The following PDE7B variants were observed in gnomAD, a reference collection of about 807,000 sequenced individuals.
PDE7B encodes phosphodiesterase 7B.
In PDE7B, 29 loss-of-function variants were observed where a neutral mutation model predicts 56.2. The observed-to-expected ratio is 0.52, with a 90% CI of 0.38 to 0.70. The LOEUF (loss-of-function observed/expected upper bound fraction) is 0.70, where lower values mean the gene tolerates loss of function less well. Among genes scored for constraint, PDE7B ranks in the 30% least tolerant of loss-of-function variants. The pLI is 0.00. For synonymous variants in PDE7B, 197 were observed against 196.9 expected, an observed-to-expected ratio of 1.00 and a Z score of 0.00; for missense variants, 490 against 565.0, an observed-to-expected ratio of 0.87 and a Z score of 1.35.
chr6:136,038,185 TAGCAGC>T (rs150803314), intron 2 of PDE7B: 90 of 1,285,612 alleles, frequency 7.0e-5, no homozygotes, highest in Non-Finnish European at 7.8e-5. Flanking sequence ...TCCCCTGTGG[TAGCAGC>T]AGCAGCAGCA....
At chr6:135,947,977 T>A (rs1774621616) in intron 2 of PDE7B, among the ~76,000 whole-genome samples, 1 of 152,082 alleles carries the variant, frequency 6.6e-6, no homozygotes, top group Non-Finnish European at 1.5e-5. Context: ...ACAACTATTA[T>A]CGACACAGCA....
At chr6:136,162,930 C>T (rs2128448824) in intron 8 of PDE7B, among the ~76,000 whole-genome samples, 1 of 152,368 alleles carries the variant, frequency 6.6e-6, no homozygotes, top group South Asian at 2.1e-4. Flanking sequence ...ATGCCTTGGG[C>T]AGCTCCATTC....
intron 1 of PDE7B, among the ~76,000 whole-genome samples, chr6:135,899,315 G>A (rs1428097141): frequency 6.6e-6 from 1 of 151,760 alleles, no homozygotes; most frequent in Non-Finnish European, 1.5e-5. Context: ...CATTTTTCCT[G>A]AAACCTGGGT....
Position 136,072,714 on chromosome 6 carries a change from G to A in PDE7B, c.83-36017G>A, listed in dbSNP as rs1303561303. Reference sequence around the variant, plus strand: ...ATCTTGTCATTACATTTCCTTTTCTGAGAAAGGTTGCAAGGGTGGTTTTGA... The same window carrying A: ...ATCTTGTCATTACATTTCCTTTTCTAAGAAAGGTTGCAAGGGTGGTTTTGA... On this transcript the variant is annotated intron_variant, in intron 2 of 12. Coordinates refer to ENST00000308191, the MANE Select transcript of PDE7B (RefSeq NM_018945.4). 4.6e-5 allele frequency: 7 copies of A among 152,142 alleles called. No homozygotes were observed. In the East Asian group the frequency reaches 1.3e-3, roughly 29 times the overall value. The allele number at this position is 152,142 out of a possible 1,614,324, so 9.4% of individuals were successfully genotyped here. A position where few individuals can be genotyped will look rare whatever the true frequency, so the allele number is the denominator to read the frequency against.
At chr6:136,158,988 C>T (rs1347401911) in intron 8 of PDE7B, among the ~76,000 whole-genome samples, 1 of 152,102 alleles carries the variant, frequency 6.6e-6, no homozygotes, top group Non-Finnish European at 1.5e-5. Flanking sequence ...TCAATAGAGT[C>T]CAACAACATG....
chr6:136,051,750 A>C (rs570811224), intron 2 of PDE7B, among the ~76,000 whole-genome samples: 1 of 152,252 alleles, frequency 6.6e-6, no homozygotes, highest in Non-Finnish European at 1.5e-5. Context: ...ATATGCTAAA[A>C]GATTTCTTAC....
At chr6:136,015,510 T>C (rs926467405) in intron 2 of PDE7B, among the ~76,000 whole-genome samples, 9 of 152,132 alleles carry the variant, frequency 5.9e-5, no homozygotes, top group Non-Finnish European at 1.2e-4. Context: ...AAAAAGAAAT[T>C]TTTCTCAAGA....
intron 3 of PDE7B, among the ~76,000 whole-genome samples, chr6:136,136,659 A>C (rs1778215528): frequency 6.6e-6 from 1 of 152,036 alleles, no homozygotes; most frequent in African/African-American, 2.4e-5. Context: ...GCCCGTTATC[A>C]AAACACCTCA....
intron 8 of PDE7B, among the ~76,000 whole-genome samples, chr6:136,166,073 C>T (rs1778787916): frequency 6.6e-6 from 1 of 152,176 alleles, no homozygotes; most frequent in Non-Finnish European, 1.5e-5. Flanking sequence ...ATTGTGTTTT[C>T]CTTTTATTGT....
chr6:136,163,800 T>C lies in PDE7B; in HGVS notation c.711+8042T>C, dbSNP rs535852617. Among the ~76,000 whole-genome samples, 4 of 152,364 alleles carry C rather than the reference T, an allele frequency of 2.6e-5. No individual in the cohort carries two copies. In the East Asian group the frequency reaches 7.7e-4, roughly 29 times the overall value. Reference sequence around the variant, plus strand: ...GGCAAAATGCCACCAGTCTCTTTGCTAAAGCATAGCAAGAGTCACTTTTAT... The same window carrying C: ...GGCAAAATGCCACCAGTCTCTTTGCCAAAGCATAGCAAGAGTCACTTTTAT... On this transcript the variant is annotated intron_variant, in intron 8 of 12. Coordinates refer to ENST00000308191, the MANE Select transcript of PDE7B (RefSeq NM_018945.4).
chr6:136,069,132 G>A (rs1404706065), intron 2 of PDE7B, among the ~76,000 whole-genome samples: 1 of 152,176 alleles, frequency 6.6e-6, no homozygotes, highest in Admixed American at 6.5e-5. Context: ...TGGCCCAGAG[G>A]AGGGATCAAT....
At position 135,956,933 on chromosome 6, in the gene PDE7B, G is replaced by T. The variant is rs150365712; in HGVS notation, c.82+9409G>T. 2.8e-3 allele frequency among the ~76,000 whole-genome samples: 420 copies of T among 152,188 alleles called. 2 individuals are homozygous for T. Among genetic ancestry groups the T allele is most frequent in the African/African-American group, 9.4e-3 (391 of 41,524 alleles). ...AGGAACGAAAAGAAAAGTCAGAAAGGCTGGTGGAGGATATGACAGTACCTC... is the reference window on the plus strand; with the variant it reads ...AGGAACGAAAAGAAAAGTCAGAAAGTCTGGTGGAGGATATGACAGTACCTC... On this transcript the variant is annotated intron_variant, in intron 2 of 12. Transcript: ENST00000308191.
intron 1 of PDE7B, among the ~76,000 whole-genome samples, chr6:135,946,091 A>C (rs1016512849): frequency 6.6e-6 from 1 of 152,010 alleles, no homozygotes; most frequent in Non-Finnish European, 1.5e-5. Flanking sequence ...CTATAAATTA[A>C]TGTATCCATA....
At chr6:135,937,033 T>A (rs1774432746) in intron 1 of PDE7B, among the ~76,000 whole-genome samples, 1 of 152,202 alleles carries the variant, frequency 6.6e-6, no homozygotes, top group Non-Finnish European at 1.5e-5. Context: ...ATTTTCCAAC[T>A]TGGCTGATTG....
At chr6:135,902,445 ATAAAG>A (rs1251174595) in intron 1 of PDE7B, among the ~76,000 whole-genome samples, 1 of 152,134 alleles carries the variant, frequency 6.6e-6, no homozygotes, top group African/African-American at 2.4e-5. Flanking sequence ...AATGTGGAAA[ATAAAG>A]CAAAATCTCC....
At chr6:136,108,125 CA>C (rs60727586) in intron 2 of PDE7B, among the ~76,000 whole-genome samples, 74 of 108,646 alleles carry the variant, frequency 6.8e-4, no homozygotes, top group Admixed American at 1.7e-3. Context: ...GACTCCATGT[CA>C]AAAAAAAAAA....
chr6:136,016,272 G>A (rs1304451393), intron 2 of PDE7B, among the ~76,000 whole-genome samples: 1 of 152,174 alleles, frequency 6.6e-6, no homozygotes, highest in Non-Finnish European at 1.5e-5. Flanking sequence ...GTCCAACCTA[G>A]TATCTGTACA....
intron 1 of PDE7B, among the ~76,000 whole-genome samples, chr6:135,937,485 A>C (rs9376167): frequency 0.72 from 110,161 of 152,060 alleles, 40,103 homozygotes; most frequent in East Asian, 0.85. Context: ...GTTTTGCATC[A>C]ACAGTTTCTC....
At chr6:135,906,813 T>TTTTTTTTTTTTTTTTTTG (rs1776116463) in intron 1 of PDE7B, among the ~76,000 whole-genome samples, 6 of 109,294 alleles carry the variant, frequency 5.5e-5, no homozygotes, top group African/African-American at 3.1e-4. Flanking sequence ...GAGGTTTGTT[T>TTTTTTTTTTTTTTTTTTG]TTTTTTTTTT....
Sources: allele counts gnomAD v4.1 joint callset (sites outside exome capture counted in the v4.1 genomes callset), GRCh38; gene constraint gnomAD v4.1.1; transcripts MANE v1.5; gene names NCBI Gene and HGNC (gene_info 2026-07-23, HGNC 2026-07-21).